Variants in WDPCP observed in about 807,000 individuals in gnomAD.
WDPCP encodes the protein WD repeat containing planar cell polarity effector.
In WDPCP, 71 loss-of-function variants were observed where a neutral mutation model predicts 93.1. That is an observed-to-expected ratio of 0.76 (90% CI 0.63 to 0.93). The LOEUF is 0.93. Among genes scored for constraint, WDPCP ranks in the 40% least tolerant of loss-of-function variants. The probability of loss-of-function intolerance (pLI) is 0.00; values close to 1 mark genes in which losing one functional copy is unlikely to be tolerated. For synonymous variants in WDPCP, 315 were observed against 315.0 expected (o/e 1.00, Z 0.00); for missense variants, 844 against 887.4 (o/e 0.95, Z 0.62).
Position 63,588,191 on chromosome 2 carries a change from G to A in WDPCP, c.75+6C>T. The A allele has an allele frequency of 6.4e-7, 1 of 1,563,480 alleles. No homozygotes were observed. Among genetic ancestry groups the A allele is most frequent in the Non-Finnish European group, 8.7e-7 (1 of 1,151,958 alleles). On this transcript the variant is annotated splice_donor_region_variant and intron_variant, in intron 1 of 17. Transcript: ENST00000272321. The stretch of plus-strand genomic sequence containing the variant: ...GAAAACCCCTTGCCCTCGGGCCAGG[G>A]CTCACCTGTCTCGGGAGTGGGGAAG...
intron 13 of WDPCP, among the ~76,000 whole-genome samples, chr2:63,285,992 G>GTT (rs1044176601): frequency 1.8e-5 from 1 of 56,388 alleles, no homozygotes; most frequent in East Asian, 1.3e-3. Context: ...CATGAAACAA[G>GTT]TTTCTCTCTC....
At chr2:63,466,883 G>A (rs1285527576) in intron 6 of WDPCP, among the ~76,000 whole-genome samples, 5 of 152,080 alleles carry the variant, frequency 3.3e-5, no homozygotes, top group Non-Finnish European at 5.9e-5. Context: ...TGCCAACAGT[G>A]GAGCCAGGAA....
At chr2:63,543,303 A>G (rs1244763295) in intron 1 of WDPCP, among the ~76,000 whole-genome samples, 1 of 152,076 alleles carries the variant, frequency 6.6e-6, no homozygotes, top group Non-Finnish European at 1.5e-5. Flanking sequence ...ATAATAGCCT[A>G]CTGAAGTACT....
intron 1 of WDPCP, among the ~76,000 whole-genome samples, chr2:63,568,349 A>G (rs1707226636): frequency 1.9e-5 from 1 of 53,348 alleles, no homozygotes; most frequent in Admixed American, 2.1e-4. Flanking sequence ...TTCCTAAAAA[A>G]AAAAACAAAA....
At chr2:63,387,693 G>T (rs1293315023) in intron 10 of WDPCP, among the ~76,000 whole-genome samples, 1 of 150,570 alleles carries the variant, frequency 6.6e-6, no homozygotes, top group Non-Finnish European at 1.5e-5. Flanking sequence ...AACTATCTCT[G>T]TTTGTAGAAA....
intron 2 of WDPCP, among the ~76,000 whole-genome samples, chr2:63,660,554 T>C (rs1305829122): frequency 6.6e-6 from 1 of 152,202 alleles, no homozygotes; most frequent in Admixed American, 6.5e-5. Flanking sequence ...CTGCTCTATA[T>C]TGTTATTCTA....
chr2:63,141,662 C>G (rs1003367863), intron 17 of WDPCP, among the ~76,000 whole-genome samples: 1 of 152,084 alleles, frequency 6.6e-6, no homozygotes. Context: ...TTCCTTCTTT[C>G]TCTATCTTGT....
chr2:63,772,597 T>C (rs762103552), intron 2 of WDPCP, among the ~76,000 whole-genome samples: 1 of 151,996 alleles, frequency 6.6e-6, no homozygotes, highest in African/African-American at 2.4e-5. Context: ...TAAAACCAAA[T>C]TGGGTTTATT....
intron 3 of WDPCP, among the ~76,000 whole-genome samples, chr2:63,602,331 C>T (rs1368915176): frequency 3.4e-5 from 4 of 116,908 alleles, no homozygotes; most frequent in Non-Finnish European, 7.3e-5. Context: ...TTATCCTTTT[C>T]GGTTGGTTGG....
intron 1 of WDPCP, among the ~76,000 whole-genome samples, chr2:63,818,113 C>T (rs1171625548): frequency 2.0e-5 from 3 of 152,072 alleles, no homozygotes; most frequent in East Asian, 1.9e-4. Context: ...AGAGAATTGG[C>T]GAGTAATGAA....
upstream of WDPCP, among the ~76,000 whole-genome samples, chr2:63,832,243 C>T (rs1475161350): frequency 6.6e-6 from 1 of 152,220 alleles, no homozygotes; most frequent in Non-Finnish European, 1.5e-5. Flanking sequence ...AAACTCATCT[C>T]TACTTCATGT....
chr2:63,491,880 T>C (rs1700898868), intron 2 of WDPCP, among the ~76,000 whole-genome samples: 1 of 152,206 alleles, frequency 6.6e-6, no homozygotes, highest in South Asian at 2.1e-4. Flanking sequence ...TTCAGGTTTT[T>C]CATCTCTGCT....
chr2:63,664,250 G>T (rs943988050), intron 2 of WDPCP, among the ~76,000 whole-genome samples: 2 of 152,220 alleles, frequency 1.3e-5, no homozygotes, highest in African/African-American at 2.4e-5. Flanking sequence ...GTTAGTTTAA[G>T]TAGGAAAATA....
Position 63,222,339 on chromosome 2 carries a change from T to C in WDPCP, c.1915+36968A>G, listed in dbSNP as rs1298607964. Among the ~76,000 whole-genome samples, 5 of 152,162 alleles carry C rather than the reference T, an allele frequency of 3.3e-5. No homozygotes were observed. In the East Asian group the frequency reaches 9.6e-4, roughly 29 times the overall value. ...TTTAAAACTTCTACCATCAGACTTG[T>C]GGGGATTTAGCACAACAGGATTCCC... is the stretch of plus-strand genomic sequence containing the variant. On this transcript the variant is annotated intron_variant, in intron 14 of 17. Coordinates refer to ENST00000272321, the MANE Select transcript of WDPCP (RefSeq NM_015910.7).
chr2:63,382,108 T>G lies in WDPCP; in HGVS notation c.1436-14A>C. The G allele has an allele frequency of 6.2e-7, 1 of 1,610,374 alleles. No individual in the cohort carries two copies. On this transcript the variant is annotated splice_polypyrimidine_tract_variant and intron_variant, in intron 10 of 17. Coordinates refer to ENST00000272321, the MANE Select transcript of WDPCP (RefSeq NM_015910.7). Reference sequence around the variant, plus strand: ...GAGTGAAGACGCCTATCACAAAACATGGAAAACCAGGTGAATCTTTTAAAA... The same window carrying G: ...GAGTGAAGACGCCTATCACAAAACAGGGAAAACCAGGTGAATCTTTTAAAA...
At chr2:63,506,374 G>C (rs1418420558) in intron 1 of WDPCP, among the ~76,000 whole-genome samples, 2 of 151,694 alleles carry the variant, frequency 1.3e-5, no homozygotes. Flanking sequence ...TCCAAGAAAA[G>C]ATGGGGGATT....
chr2:63,741,120 G>A (rs1669709054), intron 2 of WDPCP, among the ~76,000 whole-genome samples: 1 of 152,096 alleles, frequency 6.6e-6, no homozygotes, highest in Non-Finnish European at 1.5e-5. Context: ...AGGGAAGGAA[G>A]CTGGAATTTT....
At chr2:63,272,316 C>T (rs1682727239) in intron 13 of WDPCP, among the ~76,000 whole-genome samples, 1 of 152,156 alleles carries the variant, frequency 6.6e-6, no homozygotes, top group African/African-American at 2.4e-5. Flanking sequence ...TCAACCTACC[C>T]AACCAACACT....
intron 3 of WDPCP, among the ~76,000 whole-genome samples, chr2:63,629,577 T>C (rs1305893473): frequency 6.6e-6 from 1 of 152,164 alleles, no homozygotes; most frequent in Non-Finnish European, 1.5e-5. Context: ...GCCACCTCCC[T>C]CCTGGTGGCA....
Sources: allele counts gnomAD v4.1 joint callset (sites outside exome capture counted in the v4.1 genomes callset), GRCh38; gene constraint gnomAD v4.1.1; transcripts MANE v1.5; gene names NCBI Gene and HGNC (gene_info 2026-07-23, HGNC 2026-07-21).